The following CIITA variants were observed in gnomAD, a reference collection of about 807,000 sequenced individuals.
The protein encoded by CIITA is class II major histocompatibility complex transactivator, also known as MHC class II transactivator.
Under a neutral mutation model 115.1 loss-of-function variants are expected in CIITA, and 72 were observed. The observed-to-expected ratio is 0.63, with a 90% CI of 0.52 to 0.76. CIITA has a LOEUF of 0.76. Ranked by LOEUF, CIITA falls within the 30% of genes least tolerant of loss-of-function variation. The pLI is 0.00. For missense variants in CIITA, 1,617 were observed against 1,463.8 expected, an observed-to-expected ratio of 1.10 and a Z score of -1.71; for synonymous variants, 763 against 635.6, an observed-to-expected ratio of 1.20 and a Z score of -3.02.
intron 1 of CIITA, among the ~76,000 whole-genome samples, chr16:10,892,801 T>C (rs1246783897): frequency 6.6e-6 from 1 of 152,024 alleles, no homozygotes; most frequent in African/African-American, 2.4e-5. Context: ...GTCATGGTGG[T>C]GAGCACCTGT....
At chr16:10,892,908 G>A (rs1360037307) in intron 1 of CIITA, among the ~76,000 whole-genome samples, 1 of 152,120 alleles carries the variant, frequency 6.6e-6, no homozygotes, top group Non-Finnish European at 1.5e-5. Context: ...TTCCAGCCTG[G>A]GCAACAGAGC....
In CIITA at chr16:10,895,781, G is replaced by A. The variant is rs751181416; in HGVS notation, c.295+17G>A. On this transcript the variant is annotated intron_variant, in intron 3 of 19. Transcript: ENST00000324288. ...CCAATATCGGTGAGGAAGCACCTGA[G>A]CCCAGAAAAGGACAATCAAGGGCAA... is the stretch of plus-strand genomic sequence containing the variant. 6.2e-7 allele frequency: 1 copy of A among 1,612,754 alleles called. No individual in the cohort carries two copies. Among genetic ancestry groups the A allele is most frequent in the Non-Finnish European group, 8.5e-7 (1 of 1,178,876 alleles).
chr16:10,874,770 G>A (rs2035715222), upstream of CIITA, among the ~76,000 whole-genome samples: 2 of 152,112 alleles, frequency 1.3e-5, no homozygotes, highest in South Asian at 4.1e-4. Flanking sequence ...GTGAGAGATG[G>A]TAGTCCTGGC....
At chr16:10,885,222 G>A (rs1051652695) in intron 1 of CIITA, among the ~76,000 whole-genome samples, 10 of 152,146 alleles carry the variant, frequency 6.6e-5, no homozygotes, top group African/African-American at 9.7e-5. Context: ...AGCCCCTGTG[G>A]CACAGCTGAG....
chr16:10,891,569 G>C (rs1470984106), intron 1 of CIITA, among the ~76,000 whole-genome samples: 1 of 152,176 alleles, frequency 6.6e-6, no homozygotes, highest in Non-Finnish European at 1.5e-5. Context: ...TCAGTCTGGA[G>C]CTCTTGTCAC....
intron 13 of CIITA, among the ~76,000 whole-genome samples, chr16:10,914,122 GGATTTTC>G (rs1397077686): frequency 6.6e-6 from 1 of 152,132 alleles, no homozygotes; most frequent in Non-Finnish European, 1.5e-5. Context: ...CAGAAGGCAG[GGATTTTC>G]GTCTGTTTGG....
Position 10,926,063 on chromosome 16 carries a change from T to C in CIITA, c.*2208T>C, listed in dbSNP as rs1445913650. Reference sequence around the variant, plus strand: ...AGCCCCAATTCAAGACATCTTAGCTTACTCCTGGTGGCAGTGGGAGCTGCC... The same window carrying C: ...AGCCCCAATTCAAGACATCTTAGCTCACTCCTGGTGGCAGTGGGAGCTGCC... On this transcript the variant is annotated 3_prime_UTR_variant, in exon 20 of 20. Coordinates refer to ENST00000324288, the MANE Select transcript of CIITA (RefSeq NM_000246.4). The C allele has an allele frequency of 6.6e-6, 1 of 152,238 alleles. No homozygotes were observed. Among genetic ancestry groups the C allele is most frequent in the Non-Finnish European group, 1.5e-5 (1 of 68,062 alleles). 9.4% of individuals were successfully genotyped at this position (152,238 alleles called of 1,614,324 possible).
chr16:10,881,013 C>T (rs2036368332), intron 1 of CIITA, among the ~76,000 whole-genome samples: 1 of 152,208 alleles, frequency 6.6e-6, no homozygotes, highest in African/African-American at 2.4e-5. Flanking sequence ...GTGGTTCACA[C>T]CTGTAATCCT....
rs769881633 is a variant in CIITA, at chr16:10,907,694, G to A, written c.2202G>A (p.Pro734=). The A allele has an allele frequency of 6.2e-6, 10 of 1,614,098 alleles. No homozygotes were observed. Among genetic ancestry groups the A allele is most frequent in the Non-Finnish European group, 7.6e-6 (9 of 1,180,048 alleles). Residue 734 remains proline (P), a synonymous_variant, in exon 11 of 20, where the codon CCG becomes CCA. Transcript: ENST00000324288. This position sits in a 1 kb window ranked among gnomAD's most constrained non-coding sequence, Gnocchi z 5.0. ...LSGEIKDKEL[P]QYLALTPRKK... is the part of the protein sequence containing the mutation. ...GCGAAATCAAGGACAAGGAGCTCCC[G>A]CAGTACCTAGCATTGACCCCAAGGA...
chr16:10,885,906 A>G (rs2036897174), intron 1 of CIITA, among the ~76,000 whole-genome samples: 2 of 152,148 alleles, frequency 1.3e-5, no homozygotes, highest in Admixed American at 1.3e-4. Flanking sequence ...TTAACTGCCC[A>G]GTGCAGCCCA....
upstream of CIITA, among the ~76,000 whole-genome samples, chr16:10,873,540 C>T (rs1187547669): frequency 1.3e-5 from 2 of 152,148 alleles, no homozygotes; most frequent in Non-Finnish European, 2.9e-5. Flanking sequence ...AGGGAGAAGG[C>T]AGGAGAGCAG....
downstream of CIITA, chr16:10,937,152 T>C (rs182593035): frequency 3.9e-5 from 6 of 152,404 alleles, no homozygotes; most frequent in East Asian, 1.2e-3. This position sits in a 1 kb window ranked among gnomAD's most constrained non-coding sequence, Gnocchi z 4.2. Flanking sequence ...ATGTACCCTA[T>C]GGCCAAGGAC....
rs917890421 is a variant in CIITA at position 10,932,022 on chromosome 16, A to G, written c.*8167A>G. 3 of 152,250 alleles carry G rather than the reference A, an allele frequency of 2.0e-5. No homozygotes were observed. Among genetic ancestry groups the G allele is most frequent in the Non-Finnish European group, 4.4e-5 (3 of 68,050 alleles). 9.4% of individuals were successfully genotyped at this position (152,250 alleles called of 1,614,324 possible). The stretch of plus-strand genomic sequence containing the variant: ...TGACAGTGTTGTATGAGGTTTGAGG[A>G]TTTTGATCCAAGCTGGTCCCACTCA... On this transcript the variant is annotated 3_prime_UTR_variant, in exon 20 of 20. Coordinates refer to ENST00000324288, the MANE Select transcript of CIITA (RefSeq NM_000246.4).
intron 1 of CIITA, among the ~76,000 whole-genome samples, chr16:10,870,167 TG>T (rs1264972247): frequency 1.4e-5 from 1 of 72,632 alleles, no homozygotes; most frequent in East Asian, 3.7e-4. Context: ...CAGTACTTCC[TG>T]CAAAAAAAAA....
intron 16 of CIITA, among the ~76,000 whole-genome samples, chr16:10,921,463 A>C (rs949209456): frequency 6.6e-5 from 10 of 152,200 alleles, no homozygotes; most frequent in Admixed American, 6.5e-4. Context: ...CCTGTGATGT[A>C]GTCAGAACCA....
chr16:10,922,221 T>C lies in CIITA; in HGVS notation c.3204T>C (p.Leu1068=), dbSNP rs145819653. 13 of 1,614,116 alleles carry C rather than the reference T, an allele frequency of 8.1e-6. No homozygotes were observed. Among genetic ancestry groups the C allele is most frequent in the African/African-American group, 1.3e-5 (1 of 74,938 alleles). The change falls in exon 17 of 20, where the codon CTT becomes CTC. Residue 1068 remains leucine, a synonymous_variant. Coordinates refer to ENST00000324288, the MANE Select transcript of CIITA (RefSeq NM_000246.4). ...GAGCCGAGAGCTTGGCTCGTGTGCT[T>C]CCGGACATGGTGTCCCTCCGGGTGA... The part of the protein sequence containing the change: ...DVGAESLARV[L]PDMVSLRVMD...
Position 10,910,154 on chromosome 16 carries a change from GC to G in CIITA, c.2817-32del. 3 of 1,589,802 alleles carry G rather than the reference GC, an allele frequency of 1.9e-6. No individual in the cohort carries two copies. In the East Asian group the frequency reaches 6.7e-5, roughly 36 times the overall value. On this transcript the variant is annotated intron_variant, in intron 12 of 19. Coordinates refer to ENST00000324288, the MANE Select transcript of CIITA (RefSeq NM_000246.4). ...TGGGTAAGGGCTCAGTGACAGCAGT[GC>G]CTGCTCCCCCTAACATTGCCTGTTC... is the stretch of plus-strand genomic sequence containing the variant.
chr16:10,874,588 C>T (rs1043038600), upstream of CIITA, among the ~76,000 whole-genome samples: 4 of 152,226 alleles, frequency 2.6e-5, no homozygotes, highest in South Asian at 2.1e-4. Flanking sequence ...CACAGTTTGA[C>T]GGATGTCACT....
intron 15 of CIITA, chr16:10,916,748 T>G: frequency 2.1e-6 from 1 of 481,004 alleles, no homozygotes; most frequent in Admixed American, 3.3e-5. Flanking sequence ...ATCCTTCCAT[T>G]CAATGATTCA....
Sources: allele counts gnomAD v4.1 joint callset (sites outside exome capture counted in the v4.1 genomes callset), GRCh38; gene constraint gnomAD v4.1.1; non-coding constraint Gnocchi (gnomAD v3.1); transcripts MANE v1.5; gene names NCBI Gene and HGNC (gene_info 2026-07-23, HGNC 2026-07-21).